The following TUBA1C variants were observed in gnomAD, a reference collection of about 807,000 sequenced individuals.
TUBA1C encodes the protein tubulin alpha 1c.
Under a neutral mutation model 34.9 loss-of-function variants are expected in TUBA1C, and 16 were observed. The ratio of observed to expected loss-of-function variants is 0.46; its 90% CI spans 0.31 to 0.70. TUBA1C has a LOEUF of 0.70. Ranked by LOEUF, TUBA1C falls within the 30% of genes least tolerant of loss-of-function variation. TUBA1C has a pLI of 0.05. For synonymous variants in TUBA1C, 177 were observed against 215.9 expected (o/e 0.82, Z 1.58); for missense variants, 329 against 587.3 (o/e 0.56, Z 4.55).
intron 1 of TUBA1C, chr12:49,234,159 C>T (rs773050846): frequency 1.3e-5 from 2 of 152,338 alleles, no homozygotes; most frequent in African/African-American, 2.4e-5. Context: ...AACGAGGGGC[C>T]ACAGTCAGAA....
At chr12:49,251,437 A>G (rs866528743) in intron 1 of TUBA1C, among the ~76,000 whole-genome samples, 37 of 152,174 alleles carry the variant, frequency 2.4e-4, no homozygotes, top group African/African-American at 8.4e-4. Context: ...ATCCTTATAA[A>G]TATTGATACA....
chr12:49,256,493 C>T (rs1369568305), intron 1 of TUBA1C: 3 of 450,260 alleles, frequency 6.7e-6, no homozygotes, highest in Non-Finnish European at 1.3e-5. Flanking sequence ...CAGGCTGTTC[C>T]GTATCACCCA....
At chr12:49,243,886 G>C (rs1409596208) in intron 1 of TUBA1C, among the ~76,000 whole-genome samples, 1 of 151,984 alleles carries the variant, frequency 6.6e-6, no homozygotes, top group Non-Finnish European at 1.5e-5. Context: ...ATGGTGGCTC[G>C]TGCCTATAAT....
intron 1 of TUBA1C, among the ~76,000 whole-genome samples, chr12:49,242,035 G>C (rs1565640335): frequency 6.7e-6 from 1 of 150,238 alleles, no homozygotes; most frequent in Non-Finnish European, 1.5e-5. Flanking sequence ...TGTTGCCCAG[G>C]CTGGAGTGCA....
chr12:49,238,833 G>A (rs901199663), intron 1 of TUBA1C, among the ~76,000 whole-genome samples: 2 of 151,970 alleles, frequency 1.3e-5, no homozygotes, highest in Admixed American at 1.3e-4. Context: ...GGCGAGGTAC[G>A]GAGGAAGGGG....
chr12:49,248,737 A>G (rs1273955122), intron 1 of TUBA1C, among the ~76,000 whole-genome samples: 53 of 145,624 alleles, frequency 3.6e-4, no homozygotes, highest in East Asian at 1.1e-3. Context: ...GCGTGGTGGC[A>G]GGCGCCTGTA....
At chr12:49,249,360 G>T (rs1308808367) in intron 1 of TUBA1C, among the ~76,000 whole-genome samples, 1 of 152,130 alleles carries the variant, frequency 6.6e-6, no homozygotes, top group Admixed American at 6.6e-5. Flanking sequence ...CCGGGAGGCG[G>T]AGGTTGTGGT....
At chr12:49,240,963 G>A (rs955349279) in intron 1 of TUBA1C, among the ~76,000 whole-genome samples, 1 of 151,770 alleles carries the variant, frequency 6.6e-6, no homozygotes. Flanking sequence ...GGGCAGTGGC[G>A]AGATCTCAGC....
intron 1 of TUBA1C, among the ~76,000 whole-genome samples, chr12:49,249,086 T>C (rs549366883): frequency 6.6e-6 from 1 of 151,710 alleles, no homozygotes; most frequent in South Asian, 2.1e-4. Flanking sequence ...AACATATATA[T>C]AAGAAGAAAA....
chr12:49,238,327 C>T (rs1008792442), intron 1 of TUBA1C, among the ~76,000 whole-genome samples: 1 of 152,182 alleles, frequency 6.6e-6, no homozygotes, highest in Non-Finnish European at 1.5e-5. Flanking sequence ...ACACAGAATA[C>T]TTCTGTGACC....
At chr12:49,264,979 G>T (rs561862362), upstream of TUBA1C, 7 of 675,658 alleles carry the variant, frequency 1.0e-5, no homozygotes, top group East Asian at 1.4e-4. Flanking sequence ...GCCAGGGCTC[G>T]AAGGTGGGGC....
chr12:49,244,117 T>G (rs1942644876), intron 1 of TUBA1C, among the ~76,000 whole-genome samples: 1 of 144,542 alleles, frequency 6.9e-6, no homozygotes, highest in Non-Finnish European at 1.5e-5. Context: ...GCCACTGCAC[T>G]CCAGCCTTGG....
At chr12:49,252,246 T>G (rs1009221164) in intron 1 of TUBA1C, among the ~76,000 whole-genome samples, 3 of 152,314 alleles carry the variant, frequency 2.0e-5, no homozygotes, top group South Asian at 4.1e-4. Context: ...TCTATAAATT[T>G]TATTCTAATA....
At chr12:49,257,991 T>C in intron 1 of TUBA1C, 1 of 163,152 alleles carries the variant, frequency 6.1e-6, no homozygotes, top group East Asian at 1.9e-4. Flanking sequence ...CCCAAGTAGC[T>C]GAGATTACAG....
chr12:49,249,614 C>A (rs1244133526), intron 1 of TUBA1C, among the ~76,000 whole-genome samples: 1 of 152,134 alleles, frequency 6.6e-6, no homozygotes, highest in Non-Finnish European at 1.5e-5. Flanking sequence ...AATCCTAGCA[C>A]TTTGGGAAGC....
chr12:49,260,767 TC>T, upstream of TUBA1C, among the ~76,000 whole-genome samples: 1 of 152,230 alleles, frequency 6.6e-6, no homozygotes, highest in South Asian at 2.1e-4. Flanking sequence ...GGGTCTGTTT[TC>T]CCCCCAGGCT....
chr12:49,263,884 TAG>T (rs1487902202), upstream of TUBA1C, among the ~76,000 whole-genome samples: 16 of 152,250 alleles, frequency 1.1e-4, no homozygotes, highest in African/African-American at 3.1e-4. Context: ...TAATAATTCA[TAG>T]AGTTTGTCAT....
intron 1 of TUBA1C, among the ~76,000 whole-genome samples, chr12:49,230,747 C>T (rs1160687332): frequency 6.6e-6 from 1 of 152,172 alleles, no homozygotes; most frequent in East Asian, 1.9e-4. Context: ...AGGCTCAAAG[C>T]AGGGTGGTTA....
chr12:49,247,590 C>T (rs1039596535), intron 1 of TUBA1C, among the ~76,000 whole-genome samples: 7 of 151,676 alleles, frequency 4.6e-5, no homozygotes, highest in African/African-American at 1.7e-4. Flanking sequence ...GGCAACAGAG[C>T]GAGACTCTGT....
Sources: allele counts gnomAD v4.1 joint callset (sites outside exome capture counted in the v4.1 genomes callset), GRCh38; gene constraint gnomAD v4.1.1; transcripts MANE v1.5; gene names NCBI Gene and HGNC (gene_info 2026-07-23, HGNC 2026-07-21).